The following TNFRSF10D variants were observed in gnomAD, a reference collection of about 807,000 sequenced individuals.
The protein encoded by TNFRSF10D is TNF receptor superfamily member 10d.
Under a neutral mutation model 42.1 loss-of-function variants are expected in TNFRSF10D, and 28 were observed. That is an observed-to-expected ratio of 0.66 (90% CI 0.49 to 0.91). The LOEUF (loss-of-function observed/expected upper bound fraction) is 0.91. TNFRSF10D is among the 40% of genes least tolerant of loss of function. The pLI, the probability that TNFRSF10D is intolerant of heterozygous loss-of-function variation, is 0.00. For synonymous variants in TNFRSF10D, 186 were observed against 189.4 expected, an observed-to-expected ratio of 0.98 and a Z score of 0.15; for missense variants, 503 against 486.1, an observed-to-expected ratio of 1.03 and a Z score of -0.33.
At chr8:23,141,996 G>A (rs1177821988) in intron 7 of TNFRSF10D, among the ~76,000 whole-genome samples, 159 of 150,988 alleles carry the variant, frequency 1.1e-3, no homozygotes, top group African/African-American at 3.4e-3. Flanking sequence ...AATCTGCTGG[G>A]CGCGGTGGCT....
intron 7 of TNFRSF10D, among the ~76,000 whole-genome samples, chr8:23,142,098 C>T (rs909331534): frequency 7.2e-5 from 11 of 152,066 alleles, no homozygotes; most frequent in Admixed American, 5.9e-4. Flanking sequence ...GGTGAAACCC[C>T]GTCTCTACTA....
At chr8:23,138,671 T>A (rs185302222) in intron 7 of TNFRSF10D, among the ~76,000 whole-genome samples, 10 of 152,106 alleles carry the variant, frequency 6.6e-5, no homozygotes, top group African/African-American at 2.4e-4. Flanking sequence ...CAGGAAAACC[T>A]AACAAAATGA....
intron 7 of TNFRSF10D, among the ~76,000 whole-genome samples, chr8:23,140,598 C>T (rs115193882): frequency 6.0e-3 from 915 of 152,134 alleles, no homozygotes; most frequent in African/African-American, 0.019. Flanking sequence ...TTTAATACTA[C>T]TCCTATCAAA....
At chr8:23,159,934 CA>C (rs112736710) in intron 1 of TNFRSF10D, among the ~76,000 whole-genome samples, 169 of 134,832 alleles carry the variant, frequency 1.3e-3, no homozygotes, top group East Asian at 1.9e-3. Context: ...CAGGTCCAGC[CA>C]AAAAAAAAAA....
intron 2 of TNFRSF10D, among the ~76,000 whole-genome samples, chr8:23,151,709 A>C (rs1337680488): frequency 1.3e-5 from 2 of 152,232 alleles, no homozygotes; most frequent in East Asian, 3.8e-4. Context: ...ATAAATTGTT[A>C]TCAGTGTAAA....
intron 5 of TNFRSF10D, among the ~76,000 whole-genome samples, chr8:23,145,392 G>T (rs1208902523): frequency 1.3e-5 from 2 of 152,242 alleles, no homozygotes; most frequent in Non-Finnish European, 2.9e-5. Flanking sequence ...ACTGCCCCCT[G>T]CCTGGCTGGG....
At chr8:23,140,491 C>A (rs1021018393) in intron 7 of TNFRSF10D, among the ~76,000 whole-genome samples, 3 of 151,642 alleles carry the variant, frequency 2.0e-5, no homozygotes, top group African/African-American at 7.3e-5. Flanking sequence ...TAAAAGAAAT[C>A]ATAGATAACA....
In TNFRSF10D at chr8:23,148,556, G is replaced by A. The variant is rs550496135; in HGVS notation, c.257-5C>T. The A allele has an allele frequency of 1.5e-5, 24 of 1,597,754 alleles. No homozygotes were observed. The highest frequency in any genetic ancestry group is 5.5e-5 in the South Asian group (5 of 90,424). On this transcript the variant is annotated splice_polypyrimidine_tract_variant and splice_region_variant and intron_variant, in intron 2 of 8. Coordinates refer to ENST00000312584, the MANE Select transcript of TNFRSF10D (RefSeq NM_003840.5). The stretch of plus-strand genomic sequence containing the variant: ...TATATTCTGATCTATGAGATCCTGG[G>A]AAGGGAGAGAAAAGTTAATGAATGA...
At chr8:23,146,002 C>A in intron 4 of TNFRSF10D, 81 bp from the exon 5 acceptor site, 1 of 1,596,976 alleles carries the variant, frequency 6.3e-7, no homozygotes, top group Non-Finnish European at 8.6e-7. Context: ...ACCCTCCCTG[C>A]CCAAAGTCCC....
chr8:23,138,353 G>T, intron 7 of TNFRSF10D, 93 bp from the exon 8 acceptor site: 1 of 1,385,890 alleles, frequency 7.2e-7, no homozygotes. Flanking sequence ...GACCTGCAGC[G>T]CTTTCCCTCT....
intron 2 of TNFRSF10D, among the ~76,000 whole-genome samples, chr8:23,150,396 C>T (rs1161521514): frequency 6.6e-6 from 1 of 152,234 alleles, no homozygotes; most frequent in African/African-American, 2.4e-5. Context: ...AACAGGCTGA[C>T]TGGTGAAGGG....
rs576539167 is a variant in TNFRSF10D at position 23,149,797 on chromosome 8, C to T, written c.257-1246G>A. ...TTGGAGACTGGCCAAAATCACCATC[C>T]CCGAGAGGCCCCACCAACCTCGTCT... On this transcript the variant is annotated intron_variant, in intron 2 of 8. Coordinates refer to ENST00000312584, the MANE Select transcript of TNFRSF10D (RefSeq NM_003840.5). 2.6e-3 allele frequency among the ~76,000 whole-genome samples: 390 copies of T among 152,198 alleles called. 1 individual carries two copies. Among genetic ancestry groups the T allele is most frequent in the African/African-American group, 8.9e-3 (370 of 41,528 alleles).
chr8:23,155,115 C>G (rs1800258356), intron 1 of TNFRSF10D, 136 bp from the exon 2 acceptor site: 2 of 673,350 alleles, frequency 3.0e-6, no homozygotes, highest in South Asian at 2.2e-5. Context: ...AACTTTCATT[C>G]TTTTGCATCC....
At position 23,138,216 on chromosome 8, in the gene TNFRSF10D, A is replaced by G; in HGVS notation, c.999T>C (p.Val333=). The change falls in exon 8 of 9, where the codon GTT becomes GTC. Residue 333 remains valine (V), a synonymous_variant. Transcript: ENST00000312584. The part of the protein sequence containing the change: ...AEGCQRRRLL[V]PVNDADSADI... Reference sequence around the variant, plus strand: ...CAGCGGAGTCAGCGTCATTCACTGGAACCAGCAGCCTCCTCCTCTGACACC... The same window carrying G: ...CAGCGGAGTCAGCGTCATTCACTGGGACCAGCAGCCTCCTCCTCTGACACC... 6.2e-7 allele frequency: 1 copy of G among 1,614,204 alleles called. No homozygotes were observed. The highest frequency in any genetic ancestry group is 2.2e-5 in the East Asian group (1 of 44,888).
intron 7 of TNFRSF10D, among the ~76,000 whole-genome samples, chr8:23,142,514 C>T (rs762295158): frequency 6.6e-6 from 1 of 152,158 alleles, no homozygotes; most frequent in Non-Finnish European, 1.5e-5. Context: ...CCAAATACTG[C>T]GTGTTCTCAT....
intron 2 of TNFRSF10D, among the ~76,000 whole-genome samples, chr8:23,151,216 A>C (rs994541399): frequency 6.6e-6 from 1 of 152,222 alleles, no homozygotes; most frequent in African/African-American, 2.4e-5. Flanking sequence ...TTCTCAGCAG[A>C]AAACCTACAG....
intron 2 of TNFRSF10D, among the ~76,000 whole-genome samples, chr8:23,154,343 G>T (rs377112647): frequency 6.0e-3 from 907 of 152,152 alleles, no homozygotes; most frequent in African/African-American, 0.019. Flanking sequence ...GTACAGTCCT[G>T]CCTTCTATTC....
intron 7 of TNFRSF10D, among the ~76,000 whole-genome samples, chr8:23,140,116 CA>C (rs1814425785): frequency 6.6e-6 from 1 of 152,072 alleles, no homozygotes; most frequent in Non-Finnish European, 1.5e-5. Flanking sequence ...GGTGAAACCC[CA>C]CCTCTACTAA....
In TNFRSF10D at chr8:23,147,051, C is replaced by T; in HGVS notation, c.392G>A (p.Cys131Tyr). 6.2e-7 allele frequency: 1 copy of T among 1,613,910 alleles called. No individual in the cohort carries two copies. Among genetic ancestry groups the T allele is most frequent in the Non-Finnish European group, 8.5e-7 (1 of 1,179,974 alleles). Residue 131 changes from cysteine (C) to tyrosine (Y), a missense_variant, in exon 4 of 9, where the codon TGT (cysteine) becomes TAT (tyrosine). Coordinates refer to ENST00000312584, the MANE Select transcript of TNFRSF10D (RefSeq NM_003840.5). Reference protein sequence around the residue: ...CKSGQTNKSSCTTTRDTVCQC... With the variant: ...CKSGQTNKSSYTTTRDTVCQC... ...ACACACGGTGTCTCTGGTCGTGGTA[C>T]AGGAACTTTTATTTGTTTGACCTGA...
Sources: gnomAD v4.1 joint callset for allele counts (sites outside exome capture counted in the v4.1 genomes callset) on GRCh38, gnomAD v4.1.1 for gene constraint, MANE v1.5 for transcripts, NCBI Gene and HGNC (gene_info 2026-07-23, HGNC 2026-07-21) for gene names.